Variants in EPHB1 observed in about 807,000 individuals in gnomAD.
The protein encoded by EPHB1 is EPH receptor B1.
Under a neutral mutation model 94.4 loss-of-function variants are expected in EPHB1, and 30 were observed. The ratio of observed to expected loss-of-function variants is 0.32; its 90% CI spans 0.24 to 0.43. The LOEUF (loss-of-function observed/expected upper bound fraction) is 0.43, where lower values mean the gene tolerates loss of function less well. Among genes scored for constraint, EPHB1 ranks in the 20% least tolerant of loss-of-function variants. The pLI, the probability that EPHB1 is intolerant of heterozygous loss-of-function variation, is 1.00. For synonymous variants in EPHB1, 522 were observed against 489.1 expected (o/e 1.07, Z -0.89); for missense variants, 1,055 against 1,308.3 (o/e 0.81, Z 2.99).
intron 3 of EPHB1, among the ~76,000 whole-genome samples, chr3:135,061,369 C>CCCG (rs1553727871): frequency 1.8e-3 from 19 of 10,646 alleles, no homozygotes; most frequent in Admixed American, 0.01. Flanking sequence ...GGAATGACCA[C>CCCG]CCCCCCCGAC....
chr3:134,963,079 C>T (rs1437871347), intron 3 of EPHB1, among the ~76,000 whole-genome samples: 1 of 151,810 alleles, frequency 6.6e-6, no homozygotes, highest in Non-Finnish European at 1.5e-5. Flanking sequence ...CTCTTACTTA[C>T]CTCAGTTTCC....
At chr3:135,163,346 T>C (rs1576437701) in intron 7 of EPHB1, among the ~76,000 whole-genome samples, 1 of 152,188 alleles carries the variant, frequency 6.6e-6, no homozygotes, top group African/African-American at 2.4e-5. Context: ...CTGCATATGG[T>C]ACCCACCACT....
chr3:134,833,846 C>T (rs1004304383), intron 1 of EPHB1, among the ~76,000 whole-genome samples: 3 of 152,140 alleles, frequency 2.0e-5, no homozygotes, highest in African/African-American at 7.2e-5. Flanking sequence ...TACTGTCTGC[C>T]CTGTATTTCT....
chr3:134,871,199 G>A (rs958958586), intron 1 of EPHB1, among the ~76,000 whole-genome samples: 2 of 152,222 alleles, frequency 1.3e-5, no homozygotes, highest in African/African-American at 4.8e-5. Flanking sequence ...CCTGAGAGCA[G>A]TCCAGTAATG....
At chr3:135,129,610 C>T (rs1181126066) in intron 4 of EPHB1, among the ~76,000 whole-genome samples, 2 of 152,152 alleles carry the variant, frequency 1.3e-5, no homozygotes, top group Non-Finnish European at 2.9e-5. Flanking sequence ...CAGACAACTG[C>T]CCCTGTCTAC....
At chr3:134,853,673 G>C (rs555513458) in intron 1 of EPHB1, among the ~76,000 whole-genome samples, 1 of 152,192 alleles carries the variant, frequency 6.6e-6, no homozygotes, top group African/African-American at 2.4e-5. Flanking sequence ...AAGATGGAAG[G>C]TGGTAGCCAC....
chr3:135,174,347 C>T (rs1024730662), intron 9 of EPHB1, among the ~76,000 whole-genome samples: 2 of 152,188 alleles, frequency 1.3e-5, no homozygotes, highest in Non-Finnish European at 2.9e-5. Flanking sequence ...TGCCAGGCCT[C>T]AGTTAGCTGT....
intron 1 of EPHB1, among the ~76,000 whole-genome samples, chr3:134,831,415 A>T (rs2036579848): frequency 6.6e-6 from 1 of 152,148 alleles, no homozygotes; most frequent in African/African-American, 2.4e-5. Context: ...ATGGCCTTTC[A>T]CACTTTCTCA....
At chr3:135,233,957 A>C (rs893303731) in intron 12 of EPHB1, among the ~76,000 whole-genome samples, 2 of 152,102 alleles carry the variant, frequency 1.3e-5, no homozygotes, top group South Asian at 2.1e-4. Flanking sequence ...GGGAACCTGG[A>C]CCTGGCCCAG....
intron 10 of EPHB1, among the ~76,000 whole-genome samples, chr3:135,180,815 A>G (rs926484814): frequency 2.6e-5 from 4 of 152,230 alleles, no homozygotes; most frequent in African/African-American, 9.6e-5. Flanking sequence ...CCTTTTTAAA[A>G]GATGTGTTAA....
intron 1 of EPHB1, among the ~76,000 whole-genome samples, chr3:134,822,128 G>A (rs1006725251): frequency 2.0e-5 from 3 of 152,202 alleles, no homozygotes; most frequent in Non-Finnish European, 2.9e-5. Context: ...AGCTGTAATG[G>A]AGTGCCATAG....
rs116669473 is a variant in EPHB1 at position 134,979,881 on chromosome 3, G to C, written c.805+27829G>C. On this transcript the variant is annotated intron_variant, in intron 3 of 15. Coordinates refer to ENST00000398015, the MANE Select transcript of EPHB1 (RefSeq NM_004441.5). ...CAGTATATGGTTGTAGGTGGTATTT[G>C]TGTCTAGACCCTCTCTCCCTTAATC... is the stretch of plus-strand genomic sequence containing the variant. Among the ~76,000 whole-genome samples, 1,000 of 152,268 alleles carry C rather than the reference G, an allele frequency of 6.6e-3. 9 individuals carry two copies. Among genetic ancestry groups the C allele is most frequent in the African/African-American group, 0.023 (948 of 41,542 alleles).
At chr3:135,159,451 A>G (rs1941450014) in intron 6 of EPHB1, among the ~76,000 whole-genome samples, 1 of 152,244 alleles carries the variant, frequency 6.6e-6, no homozygotes, top group Non-Finnish European at 1.5e-5. Context: ...AGATTCTATT[A>G]AAACCAGAGA....
intron 1 of EPHB1, among the ~76,000 whole-genome samples, chr3:134,797,351 T>C (rs2035849857): frequency 6.6e-6 from 1 of 152,020 alleles, no homozygotes; most frequent in African/African-American, 2.4e-5. Context: ...TTCAAGGGGA[T>C]ATATACCCCC....
At chr3:134,954,557 C>G (rs1933168799) in intron 3 of EPHB1, among the ~76,000 whole-genome samples, 1 of 152,172 alleles carries the variant, frequency 6.6e-6, no homozygotes, top group African/African-American at 2.4e-5. Context: ...ACAACGAACT[C>G]TCTCCCAACA....
chr3:135,135,382 A>AT (rs1056273765), intron 5 of EPHB1, among the ~76,000 whole-genome samples: 4 of 152,218 alleles, frequency 2.6e-5, no homozygotes, highest in African/African-American at 7.2e-5. Context: ...AACAGATAGT[A>AT]TTTTTTTAAA....
chr3:135,149,232 G>A (rs1941114548), intron 5 of EPHB1, among the ~76,000 whole-genome samples: 2 of 152,286 alleles, frequency 1.3e-5, no homozygotes, highest in African/African-American at 2.4e-5. Flanking sequence ...GAATAATCTT[G>A]TGAACTCTTT....
At position 135,186,009 on chromosome 3, in the gene EPHB1, G is replaced by A. The variant is rs1942319558; in HGVS notation, c.1882+6027G>A. On this transcript the variant is annotated intron_variant, in intron 10 of 15. Transcript: ENST00000398015. ...TTCTTCTAAGTGTGATCAGTTATCA[G>A]CGTTAAGAAGGACAACAAGGACTGA... Among the ~76,000 whole-genome samples, 3 of 152,288 alleles carry A rather than the reference G, an allele frequency of 2.0e-5. No homozygotes were observed. The South Asian group carries it at 6.2e-4, about 32-fold the overall frequency.
chr3:135,223,821 G>A (rs1011262403), intron 12 of EPHB1, among the ~76,000 whole-genome samples: 2 of 152,116 alleles, frequency 1.3e-5, no homozygotes, highest in African/African-American at 4.8e-5. Context: ...TCTACACCAT[G>A]GATCAAAATA....
Sources: allele counts gnomAD v4.1 joint callset (sites outside exome capture counted in the v4.1 genomes callset), GRCh38; gene constraint gnomAD v4.1.1; transcripts MANE v1.5; gene names NCBI Gene and HGNC (gene_info 2026-07-23, HGNC 2026-07-21).